The following BEND6 variants were observed in gnomAD, a reference collection of about 807,000 sequenced individuals.
BEND6 encodes the protein BEN domain-containing protein 6.
BEND6 carries 24 observed loss-of-function variants against 31.8 expected under a neutral mutation model. That is an observed-to-expected ratio of 0.75 (90% CI 0.55 to 1.06). BEND6 has a LOEUF of 1.06. BEND6 is among the 50% of genes least tolerant of loss of function. The probability of loss-of-function intolerance (pLI) is 0.00; values close to 1 mark genes in which losing one functional copy is unlikely to be tolerated. For synonymous variants in BEND6, 109 were observed against 114.6 expected, an observed-to-expected ratio of 0.95 and a Z score of 0.31; for missense variants, 294 against 327.4, an observed-to-expected ratio of 0.90 and a Z score of 0.79.
chr6:56,969,986 T>C (rs1825632515), intron 1 of BEND6, among the ~76,000 whole-genome samples: 1 of 152,196 alleles, frequency 6.6e-6, no homozygotes, highest in African/African-American at 2.4e-5. Context: ...TTTAATGTGC[T>C]ATGACCAGCA....
intron 2 of BEND6, 110 bp downstream of exon 2, chr6:56,982,040 T>C: frequency 1.6e-6 from 2 of 1,225,578 alleles, no homozygotes; most frequent in Non-Finnish European, 2.2e-6. Flanking sequence ...TTAATTCTTT[T>C]CATTTCTTTA....
At chr6:56,992,836 T>G (rs1826559862) in intron 3 of BEND6, among the ~76,000 whole-genome samples, 1 of 152,214 alleles carries the variant, frequency 6.6e-6, no homozygotes, top group Admixed American at 6.5e-5. Context: ...GCATTTAATA[T>G]ACACGACTCA....
chr6:56,979,176 C>G (rs940597641), intron 1 of BEND6, among the ~76,000 whole-genome samples: 1 of 152,138 alleles, frequency 6.6e-6, no homozygotes, highest in South Asian at 2.1e-4. Context: ...GAGGCGCTTC[C>G]ACCTAACCTT....
chr6:57,015,238 C>T lies in BEND6; in HGVS notation c.404C>T (p.Ala135Val). The stretch of plus-strand genomic sequence containing the variant: ...ACATCTGCATCCACCCTCTGGAGAG[C>T]AACAAACAACTCCTCGCCAGATTCA... ...MSTSASTLWRATNNSSPDSFA... is the reference protein window; with the variant it reads ...MSTSASTLWRVTNNSSPDSFA... The change falls in exon 4 of 7, where the codon GCA becomes GTA. Residue 135 changes from alanine (A) to valine (V), a missense_variant. By Grantham distance (64) the Ala-to-Val change is moderately conservative. Transcript: ENST00000370746. 1 of 1,614,144 alleles carries T rather than the reference C, an allele frequency of 6.2e-7. No homozygotes were observed. The highest frequency in any genetic ancestry group is 1.1e-5 in the South Asian group (1 of 91,074).
chr6:56,959,155 T>C (rs1825201200), intron 1 of BEND6, among the ~76,000 whole-genome samples: 1 of 152,146 alleles, frequency 6.6e-6, no homozygotes, highest in Non-Finnish European at 1.5e-5. Context: ...TTTAGCAATT[T>C]TGAGTCCCCC....
chr6:56,977,698 C>G (rs910382846), intron 1 of BEND6, among the ~76,000 whole-genome samples: 2 of 152,156 alleles, frequency 1.3e-5, no homozygotes, highest in African/African-American at 2.4e-5. Flanking sequence ...TGGATCATGC[C>G]TGTAATCCCA....
At chr6:56,985,950 C>T (rs924143152) in intron 2 of BEND6, among the ~76,000 whole-genome samples, 4 of 152,172 alleles carry the variant, frequency 2.6e-5, no homozygotes, top group Non-Finnish European at 4.4e-5. Context: ...CTGATGCTTA[C>T]AAATGGATTT....
intron 6 of BEND6, among the ~76,000 whole-genome samples, chr6:57,025,860 C>G (rs1487262502): frequency 6.6e-6 from 1 of 151,958 alleles, no homozygotes; most frequent in African/African-American, 2.4e-5. Context: ...TGGGATATTG[C>G]TGGTGAAAAT....
chr6:57,002,913 A>G (rs1826999126), intron 3 of BEND6, among the ~76,000 whole-genome samples: 1 of 152,140 alleles, frequency 6.6e-6, no homozygotes, highest in African/African-American at 2.4e-5. Context: ...AATGAAACTA[A>G]AAGTTTGTTC....
intron 3 of BEND6, chr6:57,004,471 G>T: frequency 1.6e-6 from 1 of 624,296 alleles, no homozygotes; most frequent in Non-Finnish European, 3.0e-6. Context: ...CCTCCTCACC[G>T]CGCCCTGGGA....
At chr6:57,004,521 C>T (rs1827078667) in intron 3 of BEND6, 5 of 728,730 alleles carry the variant, frequency 6.9e-6, no homozygotes, top group Non-Finnish European at 1.2e-5. Flanking sequence ...CGTGTAGCCA[C>T]CGCCACCGCC....
At chr6:56,984,258 A>G (rs553196282) in intron 2 of BEND6, among the ~76,000 whole-genome samples, 1 of 152,078 alleles carries the variant, frequency 6.6e-6, no homozygotes, top group African/African-American at 2.4e-5. Context: ...AGAAAAAAAA[A>G]CTGTGTGACA....
At chr6:57,007,932 G>A (rs1200336812) in intron 3 of BEND6, among the ~76,000 whole-genome samples, 1 of 152,188 alleles carries the variant, frequency 6.6e-6, no homozygotes, top group Non-Finnish European at 1.5e-5. Context: ...CCAGATACAA[G>A]GAGAAGGCCA....
chr6:56,997,908 T>C (rs1469548547), intron 3 of BEND6, among the ~76,000 whole-genome samples: 1 of 152,096 alleles, frequency 6.6e-6, no homozygotes, highest in Non-Finnish European at 1.5e-5. Context: ...GGGACTATTC[T>C]AAATACCGAG....
chr6:56,973,765 C>CT (rs1022129878), intron 1 of BEND6, among the ~76,000 whole-genome samples: 10 of 151,914 alleles, frequency 6.6e-5, no homozygotes, highest in African/African-American at 2.4e-4. Flanking sequence ...CAATTTTTTT[C>CT]TTTTTTTGAG....
intron 3 of BEND6, 82 bp downstream of exon 3, chr6:56,992,637 A>G (rs1312749663): frequency 1.4e-6 from 2 of 1,423,496 alleles, no homozygotes; most frequent in African/African-American, 1.5e-5. Context: ...GCTGTCAAGA[A>G]TGAAGAAGAA....
At chr6:57,018,246 T>A (rs1224375893) in intron 5 of BEND6, among the ~76,000 whole-genome samples, 175 bp from the exon 6 acceptor site, 1 of 152,240 alleles carries the variant, frequency 6.6e-6, no homozygotes, top group Non-Finnish European at 1.5e-5. Context: ...CTTGCTTTAC[T>A]TAGAAAAACC....
At chr6:56,965,487 G>T (rs1825441337) in intron 1 of BEND6, among the ~76,000 whole-genome samples, 1 of 151,902 alleles carries the variant, frequency 6.6e-6, no homozygotes, top group Admixed American at 6.6e-5. Context: ...AAACTGTTTA[G>T]AAATATTATT....
intron 3 of BEND6, among the ~76,000 whole-genome samples, chr6:57,011,240 C>T (rs1240558120): frequency 6.6e-6 from 1 of 152,094 alleles, no homozygotes; most frequent in African/African-American, 2.4e-5. Flanking sequence ...AGTGAAATGG[C>T]CAGTTTCTTG....
Sources: allele counts gnomAD v4.1 joint callset (sites outside exome capture counted in the v4.1 genomes callset), GRCh38; gene constraint gnomAD v4.1.1; transcripts MANE v1.5; gene names NCBI Gene and HGNC (gene_info 2026-07-23, HGNC 2026-07-21).